Variants in PREPL observed in about 807,000 individuals in gnomAD.
The protein encoded by PREPL is prolyl endopeptidase like.
A neutral mutation model predicts 70.6 loss-of-function variants in PREPL; 77 were observed. The ratio of observed to expected loss-of-function variants is 1.09; its 90% CI spans 0.91 to 1.32. The LOEUF (loss-of-function observed/expected upper bound fraction) is 1.32, where lower values mean the gene tolerates loss of function less well. Ranked by LOEUF, PREPL falls within the 40% of genes most tolerant of loss-of-function variation. The pLI, the probability that PREPL is intolerant of heterozygous loss-of-function variation, is 0.00. For missense variants in PREPL, 1,002 were observed against 778.2 expected, an observed-to-expected ratio of 1.29 and a Z score of -3.42; for synonymous variants, 315 against 264.8, an observed-to-expected ratio of 1.19 and a Z score of -1.84.
chr2:44,359,491 C>T (rs751506281), intron 1 of PREPL: 2 of 1,591,092 alleles, frequency 1.3e-6, no homozygotes, highest in Non-Finnish European at 1.7e-6. Flanking sequence ...CTTAAACAGT[C>T]CATACCTTAC....
intron 10 of PREPL, among the ~76,000 whole-genome samples, chr2:44,324,785 G>C (rs537189039): frequency 6.6e-6 from 1 of 152,288 alleles, no homozygotes; most frequent in South Asian, 2.1e-4. Context: ...TACTCAGGAG[G>C]CTGAGGTGGG....
Position 44,332,626 on chromosome 2 carries a change from C to A in PREPL, c.919G>T (p.Asp307Tyr). ...LPPWACGFIM[D>Y]TNSDPKNCPF... is the part of the protein sequence containing the mutation. ...CAGTTCTTTGGGTCAGAATTTGTAT[C>A]CATTATGAATCCACAGGCCCAAGGA... Residue 307 changes from aspartate (D) to tyrosine (Y), a missense_variant, in exon 8 of 14, where the codon GAT becomes TAT. Coordinates refer to ENST00000409411, the MANE Select transcript of PREPL (RefSeq NM_001171613.2). 6.2e-7 allele frequency: 1 copy of A among 1,613,708 alleles called. No individual in the cohort carries two copies. Among genetic ancestry groups the A allele is most frequent in the East Asian group, 2.2e-5 (1 of 44,840 alleles).
intron 4 of PREPL, among the ~76,000 whole-genome samples, chr2:44,342,793 G>A (rs756159144): frequency 6.6e-6 from 1 of 152,088 alleles, no homozygotes; most frequent in Non-Finnish European, 1.5e-5. Flanking sequence ...GGGTACTCAG[G>A]TTTCTAAATA....
intron 10 of PREPL, among the ~76,000 whole-genome samples, chr2:44,324,344 T>C (rs1015734122): frequency 5.3e-5 from 8 of 152,278 alleles, no homozygotes; most frequent in African/African-American, 1.9e-4. Flanking sequence ...AGCCTATGAG[T>C]GCACTTACCA....
chr2:44,326,641 ATTT>A, intron 10 of PREPL, 68 bp downstream of exon 10: 4 of 1,508,658 alleles, frequency 2.7e-6, no homozygotes, highest in Non-Finnish European at 3.7e-6. Context: ...GCCCAAAAAC[ATTT>A]TTCTTAGAGT....
At chr2:44,361,711 A>G, upstream of PREPL, 1 of 373,342 alleles carries the variant, frequency 2.7e-6, no homozygotes, top group South Asian at 9.2e-5. Flanking sequence ...TGAAGCACAG[A>G]AGGCTAAAAC....
In PREPL at chr2:44,334,179, A is replaced by C. The variant is rs533244274; in HGVS notation, c.889-1523T>G. On this transcript the variant is annotated intron_variant, in intron 7 of 13. Coordinates refer to ENST00000409411, the MANE Select transcript of PREPL (RefSeq NM_001171613.2). ...TTAAGCCACATTTCCTATTCAGATA[A>C]GCCTGCAGTGTATCTGTGTATATTA... 4.6e-5 allele frequency among the ~76,000 whole-genome samples: 7 copies of C among 152,328 alleles called. No homozygotes were observed. The South Asian group carries it at 1.4e-3, about 32-fold the overall frequency.
intron 6 of PREPL, 71 bp from the exon 7 acceptor site, chr2:44,338,607 A>T: frequency 8.0e-7 from 1 of 1,243,330 alleles, no homozygotes; most frequent in Non-Finnish European, 1.1e-6. Flanking sequence ...AGATGCAATC[A>T]CTGAGAACTA....
At chr2:44,327,968 T>C (rs1673690750) in intron 9 of PREPL, among the ~76,000 whole-genome samples, 2 of 141,222 alleles carry the variant, frequency 1.4e-5, no homozygotes, top group Admixed American at 6.9e-5. Context: ...TGGGCAACAT[T>C]GGAAAACCCT....
At chr2:44,355,752 TA>T (rs1558521912) in intron 1 of PREPL, among the ~76,000 whole-genome samples, 768 of 72,978 alleles carry the variant, frequency 0.011, 3 homozygotes, top group Non-Finnish European at 0.013. Context: ...AACTACATAT[TA>T]TATATATATA....
At position 44,318,251 on chromosome 2, in the gene PREPL, C is replaced by T. The variant is rs555078924; in HGVS notation, c.*3105G>A. The T allele has an allele frequency of 3.9e-5, 12 of 308,912 alleles. No homozygotes were observed. The highest frequency in any genetic ancestry group is 9.3e-4 in the Middle Eastern group (1 of 1,074). The allele number at this position is 308,912 out of a possible 1,614,324, so 19.1% of individuals were successfully genotyped here. A position where few individuals can be genotyped will look rare whatever the true frequency, so the allele number is the denominator to read the frequency against. On this transcript the variant is annotated 3_prime_UTR_variant, in exon 14 of 14. Coordinates refer to ENST00000409411, the MANE Select transcript of PREPL (RefSeq NM_001171613.2). ...GATTACAGGTGCACGTCATTATGCCCGGGTAATTTCTGTATTTTTTAGTAG... is the reference window on the plus strand; with the variant it reads ...GATTACAGGTGCACGTCATTATGCCTGGGTAATTTCTGTATTTTTTAGTAG...
chr2:44,341,519 G>T (rs563180270), intron 5 of PREPL, among the ~76,000 whole-genome samples: 2 of 152,016 alleles, frequency 1.3e-5, no homozygotes, highest in African/African-American at 4.8e-5. Context: ...GTTTGGTGAT[G>T]ACAAATTAAA....
At chr2:44,328,605 C>T (rs1235519356) in intron 9 of PREPL, among the ~76,000 whole-genome samples, 10 of 151,936 alleles carry the variant, frequency 6.6e-5, no homozygotes, top group Admixed American at 6.6e-4. Context: ...GTCTTGAAAA[C>T]AGCTGAAATA....
rs1673125903 is a variant in PREPL at position 44,322,937 on chromosome 2, TC to T, written c.1630-84del. ...ATAGAGACTATGAAAAATAATTACC[TC>T]CAATTTTTCCCTGTAAGTGCTCTAT... On this transcript the variant is annotated intron_variant, in intron 11 of 13. Coordinates refer to ENST00000409411, the MANE Select transcript of PREPL (RefSeq NM_001171613.2). The T allele has an allele frequency of 4.6e-6, 7 of 1,514,966 alleles. No individual in the cohort carries two copies. The East Asian group carries it at 1.6e-4, about 34-fold the overall frequency. 93.8% of individuals were successfully genotyped at this position (1,514,966 alleles called of 1,614,324 possible).
intron 9 of PREPL, among the ~76,000 whole-genome samples, chr2:44,327,449 A>C (rs1048380345): frequency 6.6e-6 from 1 of 152,222 alleles, no homozygotes; most frequent in African/African-American, 2.4e-5. Flanking sequence ...GATGATGCCT[A>C]AACTGAGTTG....
Position 44,321,240 on chromosome 2 carries a change from T to A in PREPL, c.*116A>T. ...AAAATTTAGATGGAGAAGCACATTT[T>A]AAAAAATTAATAACTTAAAAGTCTC... On this transcript the variant is annotated 3_prime_UTR_variant, in exon 14 of 14. Transcript: ENST00000409411. 2.1e-6 allele frequency: 2 copies of A among 931,430 alleles called. No homozygotes were observed. Among genetic ancestry groups the A allele is most frequent in the Non-Finnish European group, 3.2e-6 (2 of 621,798 alleles). The allele number at this position is 931,430 out of a possible 1,614,324, so 57.7% of individuals were successfully genotyped here.
At chr2:44,333,994 A>G (rs1674383980) in intron 7 of PREPL, among the ~76,000 whole-genome samples, 1 of 152,206 alleles carries the variant, frequency 6.6e-6, no homozygotes, top group Admixed American at 6.5e-5. Context: ...GCTTTAGACC[A>G]AGTGGTTCCA....
chr2:44,354,723 C>T (rs970022234), intron 1 of PREPL, among the ~76,000 whole-genome samples: 2 of 152,120 alleles, frequency 1.3e-5, no homozygotes, highest in African/African-American at 2.4e-5. Flanking sequence ...TACAGGCATG[C>T]GCCACCAGGC....
At chr2:44,351,297 A>G (rs1225320741) in intron 1 of PREPL, among the ~76,000 whole-genome samples, 10 of 152,030 alleles carry the variant, frequency 6.6e-5, no homozygotes, top group Admixed American at 4.6e-4. Flanking sequence ...TCTTCTTTGC[A>G]GTCTGCACTA....
Sources: gnomAD v4.1 joint callset for allele counts (sites outside exome capture counted in the v4.1 genomes callset) on GRCh38, gnomAD v4.1.1 for gene constraint, MANE v1.5 for transcripts, NCBI Gene and HGNC (gene_info 2026-07-23, HGNC 2026-07-21) for gene names.